KLF17: variants seen among roughly 807,000 people sequenced by gnomAD.
The protein encoded by KLF17 is KLF transcription factor 17.
A neutral mutation model predicts 34.2 loss-of-function variants in KLF17; 31 were observed. The observed-to-expected ratio is 0.91, with a 90% CI of 0.68 to 1.22. The LOEUF is 1.22. Ranked by LOEUF, KLF17 falls within the 50% of genes most tolerant of loss-of-function variation. The pLI is 0.00. For missense variants in KLF17, 478 were observed against 505.2 expected (o/e 0.95, Z 0.52); for synonymous variants, 179 against 186.7 (o/e 0.96, Z 0.34).
chr1:44,123,533 G>A (rs1361604221), intron 1 of KLF17, among the ~76,000 whole-genome samples: 1 of 152,012 alleles, frequency 6.6e-6, no homozygotes, highest in Non-Finnish European at 1.5e-5. Flanking sequence ...ATCTAGCTAA[G>A]TGTTTGGCAA....
intron 1 of KLF17, chr1:44,122,441 C>G: frequency 7.4e-7 from 1 of 1,354,192 alleles, no homozygotes; most frequent in East Asian, 2.3e-5. Flanking sequence ...TTCCATGGAC[C>G]TGTGTTCTGT....
At chr1:44,110,404 T>A in the KLF17 span, 1 of 152,314 alleles carries the variant, frequency 6.6e-6, no homozygotes, top group South Asian at 2.1e-4. Context: ...GTTTTAAAGT[T>A]AGCTGGCCGG....
chr1:44,104,520 T>C, the KLF17 span: 4 of 726,824 alleles, frequency 5.5e-6, no homozygotes, highest in South Asian at 2.9e-5. Flanking sequence ...GCGCATGGCC[T>C]GGATGTTGAG....
chr1:44,059,218 T>C, the KLF17 span, among the ~76,000 whole-genome samples: 2 of 152,186 alleles, frequency 1.3e-5, no homozygotes, highest in Non-Finnish European at 2.9e-5. Flanking sequence ...GGTAATGTGA[T>C]GCTGTGGGTG....
At chr1:44,097,045 T>C in the KLF17 span, among the ~76,000 whole-genome samples, 2 of 152,334 alleles carry the variant, frequency 1.3e-5, no homozygotes, top group East Asian at 1.9e-4. Context: ...TTTCTGCATA[T>C]GGCTAGCCAG....
chr1:44,092,032 T>TAAAA, the KLF17 span, among the ~76,000 whole-genome samples: 64 of 125,378 alleles, frequency 5.1e-4, no homozygotes, highest in Non-Finnish European at 8.8e-4. Flanking sequence ...ACTACTGCAT[T>TAAAA]AAAAAAAAAA....
chr1:44,091,501 T>A, the KLF17 span, among the ~76,000 whole-genome samples: 20 of 151,610 alleles, frequency 1.3e-4, no homozygotes, highest in Non-Finnish European at 2.2e-4. Context: ...ACTAAAAACA[T>A]GAGAATTAGC....
chr1:44,066,082 C>A, the KLF17 span, among the ~76,000 whole-genome samples: 2 of 152,074 alleles, frequency 1.3e-5, no homozygotes, highest in African/African-American at 4.8e-5. Context: ...TTTGGGAGAC[C>A]GAGGTGGGAA....
chr1:44,104,053 C>A, the KLF17 span: 303 of 875,786 alleles, frequency 3.5e-4, 1 homozygote, highest in Non-Finnish European at 5.1e-4. Context: ...ACAGACGTGG[C>A]GGAGATCTGG....
chr1:44,093,639 C>A, the KLF17 span, among the ~76,000 whole-genome samples: 2 of 152,210 alleles, frequency 1.3e-5, no homozygotes, highest in Admixed American at 6.5e-5. Context: ...AAGTGATCCA[C>A]CTGCCTCTGC....
intron 1 of KLF17, among the ~76,000 whole-genome samples, chr1:44,120,317 C>T (rs540815997): frequency 1.1e-4 from 16 of 152,300 alleles, no homozygotes; most frequent in African/African-American, 3.9e-4. Flanking sequence ...AATAGTTGGA[C>T]TGTAAACAGA....
chr1:44,109,182 T>C, the KLF17 span, among the ~76,000 whole-genome samples: 1 of 152,160 alleles, frequency 6.6e-6, no homozygotes, highest in Non-Finnish European at 1.5e-5. Context: ...AATCTCATTG[T>C]GTGAATGGGG....
At chr1:44,068,094 G>A in the KLF17 span, among the ~76,000 whole-genome samples, 31 of 151,328 alleles carry the variant, frequency 2.0e-4, no homozygotes, top group African/African-American at 7.0e-4. Flanking sequence ...GTGTGATCTC[G>A]GCTCACTATA....
At chr1:44,116,872 T>G (rs1304020890), upstream of KLF17, among the ~76,000 whole-genome samples, 1 of 152,164 alleles carries the variant, frequency 6.6e-6, no homozygotes, top group African/African-American at 2.4e-5. Flanking sequence ...AGCCCTGACC[T>G]TCTCTGAGCA....
chr1:44,081,920 A>G, the KLF17 span, among the ~76,000 whole-genome samples: 1 of 152,204 alleles, frequency 6.6e-6, no homozygotes, highest in Admixed American at 6.5e-5. Context: ...TAGTGGCAGA[A>G]GTCTTTTTTG....
intron 1 of KLF17, among the ~76,000 whole-genome samples, chr1:44,125,130 G>A (rs533468641): frequency 1.3e-5 from 2 of 152,072 alleles, no homozygotes; most frequent in Admixed American, 6.5e-5. Flanking sequence ...TTTTTCTTAT[G>A]ACAGATTTCT....
chr1:44,069,499 AGAGAGAGAGAGAG>A, the KLF17 span, among the ~76,000 whole-genome samples: 526 of 146,216 alleles, frequency 3.6e-3, 3 homozygotes, highest in African/African-American at 0.013. The surrounding 1 kb of genome is among the most constrained non-coding windows in gnomAD (Gnocchi z 4.7). Flanking sequence ...AGAGAGAGAG[AGAGAGAGAGAGAG>A]AAGACAGGAG....
chr1:44,049,258 G>A, the KLF17 span, among the ~76,000 whole-genome samples: 9 of 152,016 alleles, frequency 5.9e-5, no homozygotes, highest in Non-Finnish European at 1.3e-4. Context: ...TCTTCCCAAC[G>A]ACCCCGTCTC....
At chr1:44,082,939 CTTTTTTT>C in the KLF17 span, among the ~76,000 whole-genome samples, 1 of 129,654 alleles carries the variant, frequency 7.7e-6, no homozygotes, top group African/African-American at 2.9e-5. Flanking sequence ...TGTCTTTAAA[CTTTTTTT>C]TTTTTTTTTT....
Sources: allele counts gnomAD v4.1 joint callset (sites outside exome capture counted in the v4.1 genomes callset), GRCh38; gene constraint gnomAD v4.1.1; non-coding constraint Gnocchi (gnomAD v3.1); transcripts MANE v1.5; gene names NCBI Gene and HGNC (gene_info 2026-07-23, HGNC 2026-07-21).